Variants in EPC1 observed in about 807,000 individuals in gnomAD.
EPC1 encodes enhancer of polycomb 1.
EPC1 carries 12 observed loss-of-function variants against 98.4 expected under a neutral mutation model. That is an observed-to-expected ratio of 0.12 (90% confidence interval 0.08 to 0.20). EPC1 has a LOEUF of 0.20. EPC1 is among the 10% of genes least tolerant of loss of function. EPC1 has a pLI of 1.00. For missense variants in EPC1, 729 were observed against 990.5 expected, an observed-to-expected ratio of 0.74 and a Z score of 3.54; for synonymous variants, 357 against 363.9, an observed-to-expected ratio of 0.98 and a Z score of 0.21.
intron 1 of EPC1, among the ~76,000 whole-genome samples, chr10:32,311,948 TA>T (rs1276644491): frequency 1.3e-5 from 2 of 152,244 alleles, no homozygotes; most frequent in South Asian, 2.1e-4. Flanking sequence ...AAAACGTTTT[TA>T]AAAACTCATT....
At chr10:32,273,107 G>T in intron 11 of EPC1, 56 bp downstream of exon 11, 1 of 1,614,108 alleles carries the variant, frequency 6.2e-7, no homozygotes, top group African/African-American at 1.3e-5. Context: ...GGTAATTAGA[G>T]ATGAACTCTG....
chr10:32,370,429 C>T (rs1839714630), intron 1 of EPC1, among the ~76,000 whole-genome samples: 1 of 152,182 alleles, frequency 6.6e-6, no homozygotes, highest in African/African-American at 2.4e-5. Context: ...AATTCTCAAC[C>T]CTGACTGCTA....
upstream of EPC1, among the ~76,000 whole-genome samples, chr10:32,349,983 T>A (rs1214270198): frequency 2.0e-5 from 3 of 152,250 alleles, no homozygotes; most frequent in African/African-American, 7.2e-5. Flanking sequence ...TAGTTTTCCC[T>A]AGATTCTTTT....
intron 1 of EPC1, among the ~76,000 whole-genome samples, chr10:32,367,953 T>A (rs533744582): frequency 6.6e-6 from 1 of 152,236 alleles, no homozygotes; most frequent in Admixed American, 6.5e-5. Context: ...AAATGTTACA[T>A]AAGCGAATGT....
Position 32,346,255 on chromosome 10 carries a change from G to A in EPC1, c.153+508C>T, listed in dbSNP as rs572636140. Among the ~76,000 whole-genome samples, 6 of 152,166 alleles carry A rather than the reference G, an allele frequency of 3.9e-5. 1 individual carries two copies. Among genetic ancestry groups the A allele is most frequent in the Non-Finnish European group, 7.4e-5 (5 of 68,026 alleles). ...AGCCCAACAAGCTTCCCAGACCATG[G>A]GGCAATCAAATTCCCCGACTGTGCA... On this transcript the variant is annotated intron_variant, in intron 1 of 13. Coordinates refer to ENST00000319778, the MANE Select transcript of EPC1 (RefSeq NM_001272004.3).
At chr10:32,302,838 T>C (rs1592572313) in intron 2 of EPC1, among the ~76,000 whole-genome samples, 1 of 152,000 alleles carries the variant, frequency 6.6e-6, no homozygotes, top group Non-Finnish European at 1.5e-5. Context: ...GGATAAAAAA[T>C]AGTGCAACCC....
chr10:32,274,422 C>T (rs1196063959), intron 10 of EPC1, among the ~76,000 whole-genome samples: 1 of 152,086 alleles, frequency 6.6e-6, no homozygotes, highest in Non-Finnish European at 1.5e-5. Context: ...CTTTCTTTAT[C>T]CTCCAGGATA....
chr10:32,343,218 T>C (rs1285772921), intron 1 of EPC1, among the ~76,000 whole-genome samples: 2 of 152,196 alleles, frequency 1.3e-5, no homozygotes, highest in Non-Finnish European at 2.9e-5. Context: ...TTAATTAAAT[T>C]ATTTTTTCTG....
intron 2 of EPC1, among the ~76,000 whole-genome samples, chr10:32,296,805 G>T (rs1230514302): frequency 1.3e-5 from 2 of 151,972 alleles, no homozygotes; most frequent in East Asian, 3.9e-4. Flanking sequence ...TACTCGGGAG[G>T]TTGAGGCAGG....
At chr10:32,375,404 T>C (rs1257142020) in intron 1 of EPC1, among the ~76,000 whole-genome samples, 2 of 152,092 alleles carry the variant, frequency 1.3e-5, no homozygotes, top group Admixed American at 1.3e-4. Context: ...TTGGCTAACC[T>C]GAAACTTCCT....
intron 2 of EPC1, among the ~76,000 whole-genome samples, chr10:32,301,416 A>G (rs1195524715): frequency 1.3e-5 from 2 of 152,228 alleles, no homozygotes; most frequent in Non-Finnish European, 2.9e-5. Context: ...GTTTCTCTGT[A>G]GACATAGACA....
chr10:32,294,951 C>T (rs1275992952), intron 2 of EPC1, among the ~76,000 whole-genome samples: 3 of 152,048 alleles, frequency 2.0e-5, no homozygotes, highest in Non-Finnish European at 4.4e-5. Flanking sequence ...TGTTTTTCTG[C>T]TTGCCCACCA....
intron 1 of EPC1, among the ~76,000 whole-genome samples, chr10:32,342,024 T>C (rs191056439): frequency 3.0e-4 from 45 of 152,364 alleles, no homozygotes; most frequent in Admixed American, 2.6e-3. Flanking sequence ...AGCAACTTTA[T>C]GCAAAAATAC....
chr10:32,313,076 A>ATTT (rs34808423), intron 1 of EPC1, among the ~76,000 whole-genome samples: 1 of 148,088 alleles, frequency 6.8e-6, no homozygotes, highest in African/African-American at 2.5e-5. Flanking sequence ...TGAAACTTAG[A>ATTT]TTTTTTTTTT....
intron 13 of EPC1, 119 bp downstream of exon 13, chr10:32,271,435 C>G: frequency 8.8e-7 from 1 of 1,141,432 alleles, no homozygotes; most frequent in Non-Finnish European, 1.2e-6. Context: ...CTCAACTATA[C>G]ATTTTCAATG....
intron 1 of EPC1, among the ~76,000 whole-genome samples, chr10:32,337,143 TTTGA>T (rs1446740231): frequency 6.6e-6 from 1 of 152,208 alleles, no homozygotes; most frequent in Non-Finnish European, 1.5e-5. Flanking sequence ...TGAAATTTAG[TTTGA>T]TTCTTTTGAG....
intron 2 of EPC1, among the ~76,000 whole-genome samples, chr10:32,302,927 CAG>C (rs1243416374): frequency 1.3e-5 from 2 of 152,086 alleles, no homozygotes; most frequent in Admixed American, 6.5e-5. Context: ...CTCCAGGAAA[CAG>C]TGTGGAAACA....
At chr10:32,305,052 GA>G (rs1835796263) in intron 2 of EPC1, among the ~76,000 whole-genome samples, 1 of 152,112 alleles carries the variant, frequency 6.6e-6, no homozygotes, top group African/African-American at 2.4e-5. Flanking sequence ...TAATTAATTG[GA>G]GATTGAGTAA....
At chr10:32,340,416 A>T (rs1196842319) in intron 1 of EPC1, among the ~76,000 whole-genome samples, 1 of 152,236 alleles carries the variant, frequency 6.6e-6, no homozygotes, top group Non-Finnish European at 1.5e-5. Flanking sequence ...CACTATATTT[A>T]AAATACTGTA....
Sources: allele counts gnomAD v4.1 joint callset (sites outside exome capture counted in the v4.1 genomes callset), GRCh38; gene constraint gnomAD v4.1.1; transcripts MANE v1.5; gene names NCBI Gene and HGNC (gene_info 2026-07-23, HGNC 2026-07-21).